RP1: variants seen among roughly 807,000 people sequenced by gnomAD.
The protein encoded by RP1 is oxygen-regulated protein 1.
RP1 carries 16 observed loss-of-function variants against 14.8 expected under a neutral mutation model. That is an observed-to-expected ratio of 1.08 (90% CI 0.73 to 1.65). The LOEUF (loss-of-function observed/expected upper bound fraction) is 1.65. Ranked by LOEUF, RP1 falls within the 40% of genes most tolerant of loss-of-function variation. RP1 has a pLI of 0.00. For missense variants in RP1, 2,631 were observed against 2,535.0 expected (o/e 1.04, Z -0.81); for synonymous variants, 876 against 883.6 (o/e 0.99, Z 0.15).
At chr8:54,592,256 A>G (rs929560714) in intron 1 of RP1, among the ~76,000 whole-genome samples, 2 of 152,216 alleles carry the variant, frequency 1.3e-5, no homozygotes, top group Non-Finnish European at 2.9e-5. Flanking sequence ...CATTAAGGGC[A>G]CAGGTACTTG....
At chr8:54,779,623 C>T (rs1371384743) in intron 23 of RP1, among the ~76,000 whole-genome samples, 1 of 152,174 alleles carries the variant, frequency 6.6e-6, no homozygotes, top group Non-Finnish European at 1.5e-5. Flanking sequence ...GGCTATTGAA[C>T]TTCACTAGCT....
At chr8:54,609,795 C>A (rs1263859507) in intron 1 of RP1, among the ~76,000 whole-genome samples, 1 of 152,194 alleles carries the variant, frequency 6.6e-6, no homozygotes, top group Admixed American at 6.5e-5. Flanking sequence ...TGGCCTTCTC[C>A]TTAATCCCTG....
At chr8:54,741,337 A>G (rs1252369842) in intron 19 of RP1, among the ~76,000 whole-genome samples, 1 of 152,268 alleles carries the variant, frequency 6.6e-6, no homozygotes, top group Non-Finnish European at 1.5e-5. Context: ...AACTCCATTC[A>G]TGGCAAATGC....
At chr8:54,592,357 T>C (rs1410567235) in intron 1 of RP1, among the ~76,000 whole-genome samples, 1 of 152,174 alleles carries the variant, frequency 6.6e-6, no homozygotes, top group Non-Finnish European at 1.5e-5. Flanking sequence ...TGTGCCAGGT[T>C]GGTATCACCT....
chr8:54,636,374 G>C (rs1369627717), intron 3 of RP1, among the ~76,000 whole-genome samples: 1 of 152,206 alleles, frequency 6.6e-6, no homozygotes, highest in Non-Finnish European at 1.5e-5. Flanking sequence ...TCTGGCAAGG[G>C]CAAGGCTGGA....
intron 1 of RP1, among the ~76,000 whole-genome samples, chr8:54,572,695 A>T (rs1804549341): frequency 6.6e-6 from 1 of 152,162 alleles, no homozygotes; most frequent in Admixed American, 6.5e-5. Flanking sequence ...AACATGCTAG[A>T]TCTCTGTCTT....
At chr8:54,606,666 A>G (rs1049484022) in intron 1 of RP1, among the ~76,000 whole-genome samples, 2 of 152,166 alleles carry the variant, frequency 1.3e-5, no homozygotes. Flanking sequence ...TCTCCTCATC[A>G]CTTTCAGGTA....
chr8:54,813,660 G>A (rs1459817334), intron 24 of RP1, among the ~76,000 whole-genome samples: 1 of 152,196 alleles, frequency 6.6e-6, no homozygotes, highest in South Asian at 2.1e-4. Flanking sequence ...GCCCTCATAT[G>A]TACAGTCACA....
chr8:54,831,269 G>A (rs1481453058), intron 24 of RP1, among the ~76,000 whole-genome samples: 1 of 151,928 alleles, frequency 6.6e-6, no homozygotes, highest in Non-Finnish European at 1.5e-5. Flanking sequence ...AACATGATGA[G>A]AACTACCAAA....
At chr8:54,620,869 T>G in intron 1 of RP1, 86 bp from the exon 2 acceptor site, 1 of 1,219,806 alleles carries the variant, frequency 8.2e-7, no homozygotes. Context: ...ATCCTGGATG[T>G]CTGCAGCTAT....
At chr8:54,855,294 T>C (rs945033944) in intron 26 of RP1, among the ~76,000 whole-genome samples, 3 of 152,202 alleles carry the variant, frequency 2.0e-5, no homozygotes, top group Non-Finnish European at 2.9e-5. Flanking sequence ...TGTTGTAGCA[T>C]GTGAGAGGAC....
chr8:54,679,082 A>T (rs923569252), intron 9 of RP1, among the ~76,000 whole-genome samples: 5 of 152,080 alleles, frequency 3.3e-5, no homozygotes, highest in Admixed American at 1.3e-4. Flanking sequence ...TTAGGGTTTG[A>T]ACTATATTTA....
intron 22 of RP1, chr8:54,769,725 C>T (rs1809855959): frequency 6.8e-7 from 1 of 1,479,236 alleles, no homozygotes; most frequent in African/African-American, 1.4e-5. Flanking sequence ...CTTTCTCTCT[C>T]TCTCTTTTTC....
intron 24 of RP1, among the ~76,000 whole-genome samples, chr8:54,821,841 AC>A (rs776085998): frequency 2.0e-5 from 3 of 152,198 alleles, no homozygotes; most frequent in Non-Finnish European, 4.4e-5. Context: ...GAATCAGGGT[AC>A]CTGGGAGGAA....
At chr8:54,679,134 T>A (rs913394934) in intron 9 of RP1, among the ~76,000 whole-genome samples, 4 of 152,194 alleles carry the variant, frequency 2.6e-5, no homozygotes, top group African/African-American at 9.6e-5. Context: ...GAATATAACA[T>A]CTACGACTTT....
intron 12 of RP1, among the ~76,000 whole-genome samples, chr8:54,687,553 A>G (rs551082266): frequency 9.2e-5 from 14 of 152,022 alleles, no homozygotes; most frequent in Non-Finnish European, 1.8e-4. Flanking sequence ...GAGTGAAAAC[A>G]TGCGGTGTTT....
At chr8:54,785,088 C>T (rs1333651838) in intron 24 of RP1, among the ~76,000 whole-genome samples, 3 of 151,958 alleles carry the variant, frequency 2.0e-5, no homozygotes, top group African/African-American at 4.8e-5. Flanking sequence ...TGTGAATGTA[C>T]TAAACAATCA....
At chr8:54,761,970 C>T (rs897872374) in intron 22 of RP1, among the ~76,000 whole-genome samples, 3 of 152,124 alleles carry the variant, frequency 2.0e-5, no homozygotes, top group Non-Finnish European at 4.4e-5. Flanking sequence ...ACTTCTGTCT[C>T]CCAGAGCCTT....
intron 23 of RP1, among the ~76,000 whole-genome samples, chr8:54,776,890 A>G (rs1330814734): frequency 6.6e-6 from 1 of 152,192 alleles, no homozygotes; most frequent in Non-Finnish European, 1.5e-5. Context: ...AAACTGCACT[A>G]AAGTATAGTT....
Sources: gnomAD v4.1 joint callset for allele counts (sites outside exome capture counted in the v4.1 genomes callset) on GRCh38, gnomAD v4.1.1 for gene constraint, MANE v1.5 for transcripts, NCBI Gene and HGNC (gene_info 2026-07-23, HGNC 2026-07-21) for gene names.